The following MTPN variants were observed in gnomAD, a reference collection of about 807,000 sequenced individuals.
The protein encoded by MTPN is granule cell differentiation protein.
MTPN carries 2 observed loss-of-function variants against 13.5 expected under a neutral mutation model. The ratio of observed to expected loss-of-function variants is 0.15; its 90% CI spans 0.06 to 0.47. The LOEUF (loss-of-function observed/expected upper bound fraction) is 0.47. Among genes scored for constraint, MTPN ranks in the 20% least tolerant of loss-of-function variants. MTPN has a pLI of 0.97. For missense variants in MTPN, 79 were observed against 137.9 expected, an observed-to-expected ratio of 0.57 and a Z score of 2.14; for synonymous variants, 46 against 51.7, an observed-to-expected ratio of 0.89 and a Z score of 0.48.
intron 1 of MTPN, among the ~76,000 whole-genome samples, chr7:135,969,860 G>T (rs1799665389): frequency 6.6e-6 from 1 of 152,052 alleles, no homozygotes; most frequent in Non-Finnish European, 1.5e-5. Flanking sequence ...CCAACTAAAA[G>T]AAAAATAAAC....
chr7:135,950,743 T>A, intron 2 of MTPN, 61 bp from the exon 3 acceptor site: 5 of 1,285,346 alleles, frequency 3.9e-6, no homozygotes, highest in Non-Finnish European at 5.5e-6. Context: ...CTTTCTAGTT[T>A]TAACTAGAAA....
chr7:135,951,722 C>A, intron 1 of MTPN, 92 bp from the exon 2 acceptor site: 1 of 732,986 alleles, frequency 1.4e-6, no homozygotes, highest in Non-Finnish European at 2.2e-6. Context: ...TTCTTAAAGC[C>A]GTGAGAGTTT....
At chr7:135,955,084 C>T (rs1340967326) in intron 1 of MTPN, among the ~76,000 whole-genome samples, 2 of 152,030 alleles carry the variant, frequency 1.3e-5, no homozygotes, top group Non-Finnish European at 2.9e-5. Flanking sequence ...GACAAAAAGA[C>T]GATGAGACTG....
Position 135,977,202 on chromosome 7 carries a change from C to T in MTPN, c.-102G>A. On this transcript the variant is annotated 5_prime_UTR_variant, in exon 1 of 4. Transcript: ENST00000393085. ...GAGAGGGAGGCAGGGCCGCGCGAAG[C>T]CGGAGAGGAGAAGAAGAGAAGGAGG... 1.7e-6 allele frequency: 2 copies of T among 1,202,724 alleles called. No homozygotes were observed. The highest frequency in any genetic ancestry group is 2.5e-6 in the Non-Finnish European group (2 of 815,054). 74.5% of individuals were successfully genotyped at this position (1,202,724 alleles called of 1,614,324 possible).
Position 135,927,724 on chromosome 7 carries a change from T to A in MTPN, c.*2202A>T, listed in dbSNP as rs1315429639. On this transcript the variant is annotated 3_prime_UTR_variant, in exon 4 of 4. Coordinates refer to ENST00000393085, the MANE Select transcript of MTPN (RefSeq NM_145808.4). ...GTTTATATGTTATTTTCTCAAGCAA[T>A]CGCTTCATAATTATAGGGTTTACAA... 3 of 501,540 alleles carry A rather than the reference T, an allele frequency of 6.0e-6. No homozygotes were observed. The highest frequency in any genetic ancestry group is 5.8e-5 in the African/African-American group (3 of 51,334). The allele number at this position is 501,540 out of a possible 1,614,324, so 31.1% of individuals were successfully genotyped here.
intron 1 of MTPN, among the ~76,000 whole-genome samples, chr7:135,955,680 T>C (rs1206855009): frequency 6.6e-6 from 1 of 152,166 alleles, no homozygotes; most frequent in African/African-American, 2.4e-5. Context: ...TTACACAAAA[T>C]TTTAGCAAAC....
At chr7:135,968,879 C>T (rs1799645979) in intron 1 of MTPN, among the ~76,000 whole-genome samples, 1 of 151,760 alleles carries the variant, frequency 6.6e-6, no homozygotes, top group Admixed American at 6.6e-5. Context: ...GAGGGAGATA[C>T]TAAAACCTAT....
At chr7:135,948,321 AG>A (rs1799314323) in intron 3 of MTPN, among the ~76,000 whole-genome samples, 1 of 152,228 alleles carries the variant, frequency 6.6e-6, no homozygotes. Flanking sequence ...TTCAAAAAGA[AG>A]AAAATCTCTT....
At chr7:135,975,166 A>C (rs1799754126) in intron 1 of MTPN, among the ~76,000 whole-genome samples, 1 of 152,218 alleles carries the variant, frequency 6.6e-6, no homozygotes, top group Non-Finnish European at 1.5e-5. Context: ...AACCTAACCT[A>C]ATTATAAAAC....
intron 3 of MTPN, among the ~76,000 whole-genome samples, chr7:135,936,104 T>C (rs1381699160): frequency 6.6e-6 from 1 of 152,200 alleles, no homozygotes; most frequent in African/African-American, 2.4e-5. Context: ...TTTACCAGAC[T>C]AACTATGTTG....
At chr7:135,937,652 T>C (rs1046736886) in intron 3 of MTPN, among the ~76,000 whole-genome samples, 2 of 152,108 alleles carry the variant, frequency 1.3e-5, no homozygotes, top group African/African-American at 2.4e-5. Flanking sequence ...TTGAACGACA[T>C]GGGTTTGAAC....
At chr7:135,935,462 G>A (rs59657156) in intron 3 of MTPN, among the ~76,000 whole-genome samples, 36 of 152,162 alleles carry the variant, frequency 2.4e-4, no homozygotes, top group Non-Finnish European at 2.6e-4. Context: ...GGCTGGCCTC[G>A]ATCTCCTGAC....
chr7:135,976,060 T>C (rs1799768222), intron 1 of MTPN, among the ~76,000 whole-genome samples: 1 of 152,260 alleles, frequency 6.6e-6, no homozygotes, highest in Non-Finnish European at 1.5e-5. Flanking sequence ...CATAAAATTA[T>C]ACTTGTTTTG....
intron 1 of MTPN, among the ~76,000 whole-genome samples, chr7:135,961,539 C>CT (rs1799523001): frequency 7.0e-6 from 1 of 142,140 alleles, no homozygotes; most frequent in African/African-American, 2.6e-5. Flanking sequence ...TTTTTTCTTT[C>CT]TTTTTTGAGA....
chr7:135,960,649 A>T (rs375808681), intron 1 of MTPN: 3 of 151,950 alleles, frequency 2.0e-5, no homozygotes, highest in Non-Finnish European at 4.4e-5. Flanking sequence ...AAGAAAAAAA[A>T]CTCTAAGGAA....
At chr7:135,934,731 C>CCTAA (rs1379496665) in intron 3 of MTPN, among the ~76,000 whole-genome samples, 3 of 152,140 alleles carry the variant, frequency 2.0e-5, no homozygotes, top group African/African-American at 7.2e-5. Flanking sequence ...CAGTGATATT[C>CCTAA]CTAACTCATT....
intron 1 of MTPN, among the ~76,000 whole-genome samples, chr7:135,962,402 C>T (rs1413632212): frequency 6.6e-6 from 1 of 151,870 alleles, no homozygotes; most frequent in Non-Finnish European, 1.5e-5. Flanking sequence ...CAAAGAAGGA[C>T]TCAATACTAG....
intron 1 of MTPN, among the ~76,000 whole-genome samples, chr7:135,974,390 A>G (rs888559021): frequency 6.6e-6 from 1 of 152,066 alleles, no homozygotes; most frequent in Non-Finnish European, 1.5e-5. Context: ...CAAAAAATAA[A>G]ATTTGCTGGG....
intron 3 of MTPN, among the ~76,000 whole-genome samples, chr7:135,946,354 T>C (rs1314002038): frequency 2.0e-5 from 3 of 151,414 alleles, no homozygotes; most frequent in Non-Finnish European, 2.9e-5. Flanking sequence ...AATAAAAGCA[T>C]CCAGAAGGAT....
Sources: allele counts gnomAD v4.1 joint callset (sites outside exome capture counted in the v4.1 genomes callset), GRCh38; gene constraint gnomAD v4.1.1; transcripts MANE v1.5; gene names NCBI Gene and HGNC (gene_info 2026-07-23, HGNC 2026-07-21).